The following TRMT9B variants were observed in gnomAD, a reference collection of about 807,000 sequenced individuals.
TRMT9B encodes probable tRNA methyltransferase 9B.
TRMT9B carries 16 observed loss-of-function variants against 11.5 expected under a neutral mutation model. The observed-to-expected ratio is 1.39, with a 90% CI of 0.94 to 2.11. The LOEUF (loss-of-function observed/expected upper bound fraction) is 2.11. Among genes scored for constraint, TRMT9B ranks in the 30% most tolerant of loss-of-function variants. The pLI, the probability that TRMT9B is intolerant of heterozygous loss-of-function variation, is 0.00. For missense variants in TRMT9B, 941 were observed against 553.8 expected, an observed-to-expected ratio of 1.70 and a Z score of -7.02; for synonymous variants, 274 against 192.4, an observed-to-expected ratio of 1.42 and a Z score of -3.51.
intron 3 of TRMT9B, among the ~76,000 whole-genome samples, chr8:13,010,008 C>A (rs181114120): frequency 6.6e-6 from 1 of 151,830 alleles, no homozygotes; most frequent in Admixed American, 6.6e-5. Flanking sequence ...GCATGATACA[C>A]GTGCCTGTAG....
chr8:12,997,287 A>G (rs923123920), intron 2 of TRMT9B, among the ~76,000 whole-genome samples: 2 of 130,318 alleles, frequency 1.5e-5, no homozygotes, highest in African/African-American at 5.1e-5. Flanking sequence ...ATCAGTTCAC[A>G]TGAGAGCTGG....
chr8:12,959,227 A>C (rs1235692545), intron 1 of TRMT9B, among the ~76,000 whole-genome samples: 1 of 152,192 alleles, frequency 6.6e-6, no homozygotes, highest in Non-Finnish European at 1.5e-5. Flanking sequence ...CCAAAATTTG[A>C]AATGCTCCAG....
At position 13,001,034 on chromosome 8, in the gene TRMT9B, C is replaced by T. The variant is rs529894183; in HGVS notation, c.-1-5168C>T. ...ACTAGAATATCATCTACTAGACTTC[C>T]CCAATCTTTCTGCCTTTCCCCCCAC... On this transcript the variant is annotated intron_variant, in intron 2 of 4. Transcript: ENST00000524591. Among the ~76,000 whole-genome samples, 4 of 152,262 alleles carry T rather than the reference C, an allele frequency of 2.6e-5. No individual in the cohort carries two copies. The South Asian group carries it at 8.3e-4, about 32-fold the overall frequency.
At chr8:13,016,647 T>C (rs927070885) in intron 4 of TRMT9B, among the ~76,000 whole-genome samples, 3 of 151,776 alleles carry the variant, frequency 2.0e-5, no homozygotes, top group Non-Finnish European at 4.4e-5. Context: ...TACTTACTTT[T>C]GGAATAGTCT....
At chr8:13,006,016 C>A (rs1209377127) in intron 2 of TRMT9B, among the ~76,000 whole-genome samples, 186 bp from the exon 3 acceptor site, 1 of 152,144 alleles carries the variant, frequency 6.6e-6, no homozygotes, top group Non-Finnish European at 1.5e-5. Flanking sequence ...CATGCATTTG[C>A]TAGTCTTTTG....
intron 1 of TRMT9B, chr8:12,960,219 A>G (rs1241718089): frequency 6.6e-6 from 1 of 152,246 alleles, no homozygotes; most frequent in East Asian, 1.9e-4. Flanking sequence ...TAAGGAGTCA[A>G]CAGAGGAAAT....
chr8:13,028,580 T>TC lies in TRMT9B; in HGVS notation c.*6536_*6537insC, dbSNP rs1814992773. The TC allele has an allele frequency of 6.9e-6, 1 of 144,968 alleles. No individual in the cohort carries two copies. Among genetic ancestry groups the TC allele is most frequent in the Admixed American group, 7.0e-5 (1 of 14,340 alleles). The allele number at this position is 144,968 out of a possible 1,614,324, so 9.0% of individuals were successfully genotyped here. A position where few individuals can be genotyped will look rare whatever the true frequency, so the allele number is the denominator to read the frequency against. On this transcript the variant is annotated 3_prime_UTR_variant, in exon 5 of 5. Coordinates refer to ENST00000524591, the MANE Select transcript of TRMT9B (RefSeq NM_020844.3). ...CACTTTTCTCTTTTCTTTTCTTTTT[T>TC]TTTTTTTTTTTTTGAGACAGTGTCT...
chr8:12,961,844 C>G (rs1363982880), intron 1 of TRMT9B: 1 of 152,176 alleles, frequency 6.6e-6, no homozygotes, highest in East Asian at 1.9e-4. Context: ...GAGGAAACAT[C>G]TAATCAGCTA....
rs576938344 is a variant in TRMT9B, at chr8:13,015,798, C to G, written c.328+2941C>G. ...TAAGTCCTCTATTTTCAGTTTACAT[C>G]TCATGCCTTGCCCTCAGAGAAAATG... is the stretch of plus-strand genomic sequence containing the variant. On this transcript the variant is annotated intron_variant, in intron 4 of 4. Transcript: ENST00000524591. 1.2e-3 allele frequency among the ~76,000 whole-genome samples: 190 copies of G among 152,248 alleles called. 3 individuals are homozygous for G. Among genetic ancestry groups the G allele is most frequent in the South Asian group, 6.2e-4 (3 of 4,826 alleles).
intron 4 of TRMT9B, among the ~76,000 whole-genome samples, chr8:13,014,727 G>C (rs185571191): frequency 4.0e-4 from 61 of 152,236 alleles, no homozygotes; most frequent in Middle Eastern, 3.4e-3. Context: ...GTGGAAAAAG[G>C]TTTTGGCTTG....
chr8:13,012,405 G>A (rs2460339), intron 3 of TRMT9B: 267,308 of 454,656 alleles, frequency 0.59, 80,213 homozygotes, highest in East Asian at 0.84. Flanking sequence ...GGAGAAACCC[G>A]TCTCTACTAA....
At chr8:12,949,164 CT>C (rs1374933099) in intron 1 of TRMT9B, among the ~76,000 whole-genome samples, 1 of 151,710 alleles carries the variant, frequency 6.6e-6, no homozygotes, top group East Asian at 1.9e-4. Context: ...TTCTTTCTTT[CT>C]TTTTTTATAT....
intron 1 of TRMT9B, among the ~76,000 whole-genome samples, chr8:12,974,030 G>T (rs915614987): frequency 6.6e-6 from 1 of 151,942 alleles, no homozygotes; most frequent in Non-Finnish European, 1.5e-5. Context: ...AAAAAGCTAG[G>T]CATAGTGGCA....
intron 4 of TRMT9B, among the ~76,000 whole-genome samples, chr8:13,016,463 A>G (rs972305646): frequency 6.7e-6 from 1 of 150,220 alleles, no homozygotes; most frequent in South Asian, 2.1e-4. Flanking sequence ...TTATGTCCCT[A>G]TATATTTACT....
chr8:12,976,909 GT>G (rs1390958921), intron 1 of TRMT9B, among the ~76,000 whole-genome samples: 1 of 152,148 alleles, frequency 6.6e-6, no homozygotes, highest in African/African-American at 2.4e-5. Flanking sequence ...CTGGGAGGGA[GT>G]TGGGGTAATA....
rs1813795667 is a variant in TRMT9B, at chr8:13,021,271, A to G, written c.592A>G (p.Ser198Gly). The change falls in exon 5 of 5, where the codon AGC becomes GGC. Residue 198 changes from serine (S) to glycine (G), a missense_variant. Transcript: ENST00000524591. ...CTACCATCCTCCTTGCTCTGAGTGTAGCTGTTCTGTTTGTTTTAAAGAGCA... is the reference window on the plus strand; with the variant it reads ...CTACCATCCTCCTTGCTCTGAGTGTGGCTGTTCTGTTTGTTTTAAAGAGCA... ...HPYHPPCSEC[S>G]CSVCFKEQCG... 3.1e-6 allele frequency: 5 copies of G among 1,614,008 alleles called. No individual in the cohort carries two copies. The highest frequency in any genetic ancestry group is 4.2e-6 in the Non-Finnish European group (5 of 1,179,868).
At chr8:12,979,417 A>C (rs546962622) in intron 1 of TRMT9B, among the ~76,000 whole-genome samples, 18 of 152,330 alleles carry the variant, frequency 1.2e-4, no homozygotes, top group Middle Eastern at 3.4e-3. Context: ...GGGAGGTTGC[A>C]GTGAGCCAAT....
Position 12,973,954 on chromosome 8 carries a change from G to A in TRMT9B, c.-199-16880G>A, listed in dbSNP as rs137945098. 5.3e-3 allele frequency among the ~76,000 whole-genome samples: 812 copies of A among 152,228 alleles called. 4 individuals carry two copies. Among genetic ancestry groups the A allele is most frequent in the African/African-American group, 0.019 (770 of 41,556 alleles). On this transcript the variant is annotated intron_variant, in intron 1 of 4. Coordinates refer to ENST00000524591, the MANE Select transcript of TRMT9B (RefSeq NM_020844.3). ...ATGGGAGGATCGCTTAAGGCCAGGA[G>A]TTTCAGACCAGCCTGAGCATTATAG...
chr8:12,973,230 T>C (rs1803903802), intron 1 of TRMT9B, among the ~76,000 whole-genome samples: 3 of 152,218 alleles, frequency 2.0e-5, no homozygotes, highest in Admixed American at 2.0e-4. Flanking sequence ...AACGCCCAGT[T>C]GGACACTGGG....
Sources: allele counts gnomAD v4.1 joint callset (sites outside exome capture counted in the v4.1 genomes callset), GRCh38; gene constraint gnomAD v4.1.1; transcripts MANE v1.5; gene names NCBI Gene and HGNC (gene_info 2026-07-23, HGNC 2026-07-21).